TM4SF19: variants seen among roughly 807,000 people sequenced by gnomAD.
TM4SF19 encodes the protein transmembrane 4 L6 family member 19.
A neutral mutation model predicts 21.8 loss-of-function variants in TM4SF19; 17 were observed. That is an observed-to-expected ratio of 0.78 (90% CI 0.53 to 1.17). The LOEUF is 1.17. Among genes scored for constraint, TM4SF19 ranks in the 50% most tolerant of loss-of-function variants. The pLI, the probability that TM4SF19 is intolerant of heterozygous loss-of-function variation, is 0.00. For synonymous variants in TM4SF19, 107 were observed against 106.7 expected (o/e 1.00, Z -0.02); for missense variants, 216 against 252.1 (o/e 0.86, Z 0.97).
rs191294144 is a variant in TM4SF19, at chr3:196,336,530, C to T, written c.-2+1734G>A. Reference sequence around the variant, plus strand: ...CTTTTGGATGAGTGGAATTCAGAGCCCTGGCTGTCCGCCAATCAAACACTA... The same window carrying T: ...CTTTTGGATGAGTGGAATTCAGAGCTCTGGCTGTCCGCCAATCAAACACTA... On this transcript the variant is annotated intron_variant, in intron 1 of 4. Transcript: ENST00000273695. Among the ~76,000 whole-genome samples, 62 of 152,354 alleles carry T rather than the reference C, an allele frequency of 4.1e-4. 1 individual carries two copies. Among genetic ancestry groups the T allele is most frequent in the Admixed American group, 1.8e-3 (27 of 15,298 alleles).
intron 1 of TM4SF19, among the ~76,000 whole-genome samples, chr3:196,336,455 G>A (rs1727766097): frequency 6.6e-6 from 1 of 152,138 alleles, no homozygotes; most frequent in Non-Finnish European, 1.5e-5. Flanking sequence ...CTCTTAAAGG[G>A]GAAACTAAAA....
intron 3 of TM4SF19, 136 bp from the exon 4 acceptor site, chr3:196,324,576 G>A: frequency 1.3e-6 from 1 of 782,376 alleles, no homozygotes; most frequent in Non-Finnish European, 2.1e-6. Flanking sequence ...TGACTTCTCT[G>A]GTCTCAGTGT....
chr3:196,334,543 TC>T (rs1727645417), intron 1 of TM4SF19, among the ~76,000 whole-genome samples: 1 of 151,908 alleles, frequency 6.6e-6, no homozygotes, highest in African/African-American at 2.4e-5. Context: ...AACCTCCGCC[TC>T]CCCGGTTCAA....
chr3:196,324,216 GTCTCTC>G, intron 4 of TM4SF19, 49 bp downstream of exon 4: 2 of 1,492,212 alleles, frequency 1.3e-6, no homozygotes, highest in South Asian at 1.2e-5. Flanking sequence ...GTGTCTTTTT[GTCTCTC>G]TCTCTCTCTC....
At chr3:196,333,644 C>T (rs1019442238) in intron 1 of TM4SF19, among the ~76,000 whole-genome samples, 7 of 152,080 alleles carry the variant, frequency 4.6e-5, no homozygotes, top group South Asian at 2.1e-4. Flanking sequence ...CTGTAGGTAC[C>T]GCGCTCACTA....
Position 196,323,985 on chromosome 3 carries a change from A to G in TM4SF19, c.462T>C (p.Tyr154=), listed in dbSNP as rs758108941. 7 of 1,614,040 alleles carry G rather than the reference A, an allele frequency of 4.3e-6. No homozygotes were observed. The South Asian group carries it at 7.7e-5, about 18-fold the overall frequency. ...FKDLHSRNYL[Y]DRSLWNSVCL... Reference sequence around the variant, plus strand: ...AGACGGAGTTCCAGAGCGAACGGTCATACAGATAATTCCTATCCCAAAAAA... The same window carrying G: ...AGACGGAGTTCCAGAGCGAACGGTCGTACAGATAATTCCTATCCCAAAAAA... The change falls in exon 5 of 5, where the codon TAT becomes TAC. Residue 154 remains tyrosine (Y), a synonymous_variant. Coordinates refer to ENST00000273695, the MANE Select transcript of TM4SF19 (RefSeq NM_138461.4).
chr3:196,336,110 CTGT>C (rs1435413964), intron 1 of TM4SF19, among the ~76,000 whole-genome samples: 1 of 150,714 alleles, frequency 6.6e-6, no homozygotes, highest in African/African-American at 2.4e-5. Flanking sequence ...TCAGAAAAGT[CTGT>C]TTTTTTTGTT....
At chr3:196,331,535 C>A (rs1258629553) in intron 1 of TM4SF19, among the ~76,000 whole-genome samples, 1 of 151,426 alleles carries the variant, frequency 6.6e-6, no homozygotes, top group African/African-American at 2.4e-5. Context: ...CGCCTGTAAT[C>A]CCAGCACTTT....
chr3:196,329,410 A>G (rs954216401), intron 1 of TM4SF19, among the ~76,000 whole-genome samples: 1 of 127,102 alleles, frequency 7.9e-6, no homozygotes, highest in South Asian at 2.6e-4. Context: ...TAAAATTTCT[A>G]GAATAAAACA....
In TM4SF19 at chr3:196,325,314, G is replaced by T. The variant is rs2108805285; in HGVS notation, c.280-874C>A. On this transcript the variant is annotated intron_variant, in intron 3 of 4. Coordinates refer to ENST00000273695, the MANE Select transcript of TM4SF19 (RefSeq NM_138461.4). This position sits in a 1 kb window ranked among gnomAD's most constrained non-coding sequence, Gnocchi z 4.3. Reference sequence around the variant, plus strand: ...GCCTCTGAGTTCAAGCGATTCTCCTGCCTCAGCCTCCCAAGTAGCTGGGAC... The same window carrying T: ...GCCTCTGAGTTCAAGCGATTCTCCTTCCTCAGCCTCCCAAGTAGCTGGGAC... 6.6e-6 allele frequency: 1 copy of T among 152,468 alleles called. No individual in the cohort carries two copies. Among genetic ancestry groups the T allele is most frequent in the Non-Finnish European group, 1.5e-5 (1 of 68,218 alleles). 9.4% of individuals were successfully genotyped at this position (152,468 alleles called of 1,614,324 possible).
intron 3 of TM4SF19, 40 bp downstream of exon 3, chr3:196,326,913 GGA>G: frequency 1.3e-6 from 2 of 1,553,022 alleles, no homozygotes; most frequent in Non-Finnish European, 1.8e-6. Context: ...TAATAGAGGT[GGA>G]GACATTCTGG....
intron 2 of TM4SF19, 97 bp from the exon 3 acceptor site, chr3:196,327,129 G>T: frequency 9.9e-7 from 1 of 1,012,144 alleles, no homozygotes. Flanking sequence ...CAGCTCACAT[G>T]AACGCAGTCC....
At chr3:196,336,604 G>A (rs1428820205) in intron 1 of TM4SF19, among the ~76,000 whole-genome samples, 2 of 152,216 alleles carry the variant, frequency 1.3e-5, no homozygotes, top group South Asian at 2.1e-4. Context: ...CCCTCCTCCT[G>A]ACTTTATTCC....
intron 1 of TM4SF19, among the ~76,000 whole-genome samples, chr3:196,337,655 G>C (rs941228014): frequency 6.6e-6 from 1 of 152,146 alleles, no homozygotes; most frequent in Non-Finnish European, 1.5e-5. Context: ...CTGCGCATGC[G>C]GCCCCTCCCA....
intron 3 of TM4SF19, 67 bp downstream of exon 3, chr3:196,326,888 G>C: frequency 7.0e-7 from 1 of 1,429,224 alleles, no homozygotes; most frequent in Non-Finnish European, 9.8e-7. Flanking sequence ...CCTCTTTACC[G>C]CCCTGCCTCT....
chr3:196,323,971 C>T lies in TM4SF19; in HGVS notation c.476G>A (p.Trp159Ter). 2 of 1,614,002 alleles carry T rather than the reference C, an allele frequency of 1.2e-6. No homozygotes were observed. The highest frequency in any genetic ancestry group is 1.7e-6 in the Non-Finnish European group (2 of 1,180,006). Residue 159 changes from tryptophan to a stop codon, truncating the protein, a stop_gained, in exon 5 of 5, where the codon TGG becomes TAG. Coordinates refer to ENST00000273695, the MANE Select transcript of TM4SF19 (RefSeq NM_138461.4). LOFTEE classifies it high-confidence loss of function. Reference sequence around the variant, plus strand: ...AGAGGGCTCCAGGCAGACGGAGTTCCAGAGCGAACGGTCATACAGATAATT... The same window carrying T: ...AGAGGGCTCCAGGCAGACGGAGTTCTAGAGCGAACGGTCATACAGATAATT... The part of the protein sequence containing the change: ...SRNYLYDRSL[W>*]NSVCLEPSAA...
At chr3:196,324,463 G>A (rs781179787) in intron 3 of TM4SF19, 23 bp from the exon 4 acceptor site, 37 of 1,612,018 alleles carry the variant, frequency 2.3e-5, no homozygotes, top group Non-Finnish European at 8.5e-7. Flanking sequence ...GAGAAACACT[G>A]AGCTAAGACG....
At chr3:196,331,773 G>C (rs1727522347) in intron 1 of TM4SF19, among the ~76,000 whole-genome samples, 1 of 151,752 alleles carries the variant, frequency 6.6e-6, no homozygotes, top group Non-Finnish European at 1.5e-5. Flanking sequence ...GACAACAAGA[G>C]TGAAACTCCG....
At chr3:196,324,583 G>A (rs1001153719) in intron 3 of TM4SF19, 143 bp from the exon 4 acceptor site, 10 of 733,412 alleles carry the variant, frequency 1.4e-5, no homozygotes, top group Middle Eastern at 3.7e-4. Flanking sequence ...TCTGGTCTCA[G>A]TGTTCTTCCG....
Sources: gnomAD v4.1 joint callset for allele counts (sites outside exome capture counted in the v4.1 genomes callset) on GRCh38, gnomAD v4.1.1 for gene constraint, Gnocchi (gnomAD v3.1) non-coding constraint, MANE v1.5 for transcripts, NCBI Gene and HGNC (gene_info 2026-07-23, HGNC 2026-07-21) for gene names.